GALNT13: variants seen among roughly 807,000 people sequenced by gnomAD.
GALNT13 encodes the protein polypeptide N-acetylgalactosaminyltransferase 13.
In GALNT13, 28 loss-of-function variants were observed where a neutral mutation model predicts 64.2. The observed-to-expected ratio is 0.44, with a 90% CI of 0.32 to 0.60. The LOEUF is 0.60. Among genes scored for constraint, GALNT13 ranks in the 20% least tolerant of loss-of-function variants. GALNT13 has a pLI of 0.05. For synonymous variants in GALNT13, 214 were observed against 224.6 expected, an observed-to-expected ratio of 0.95 and a Z score of 0.42; for missense variants, 577 against 669.8, an observed-to-expected ratio of 0.86 and a Z score of 1.53.
chr2:153,169,290 G>C, the GALNT13 span, among the ~76,000 whole-genome samples: 1 of 152,310 alleles, frequency 6.6e-6, no homozygotes, highest in South Asian at 2.1e-4. Flanking sequence ...GTCAAAATCA[G>C]GATGTCTCTA....
In GALNT13 at chr2:154,418,243, T is replaced by G. The variant is rs183155626; in HGVS notation, c.1395+9161T>G. The stretch of plus-strand genomic sequence containing the variant: ...AAAATCATCTTCCTGGAGGATGAAA[T>G]TGTTCCTCTAGAAATGTGTGGATTT... On this transcript the variant is annotated intron_variant, in intron 11 of 12. Transcript: ENST00000392825. 8.5e-4 allele frequency among the ~76,000 whole-genome samples: 129 copies of G among 152,300 alleles called. 2 individuals carry two copies. Among genetic ancestry groups the G allele is most frequent in the Admixed American group, 7.4e-3 (113 of 15,286 alleles).
chr2:153,088,037 A>G, the GALNT13 span, among the ~76,000 whole-genome samples: 1 of 149,396 alleles, frequency 6.7e-6, no homozygotes, highest in Non-Finnish European at 1.5e-5. Flanking sequence ...TTGTTTCTCT[A>G]GTTTTTTGAG....
the GALNT13 span, among the ~76,000 whole-genome samples, chr2:153,335,045 T>A: frequency 6.6e-6 from 1 of 152,080 alleles, no homozygotes; most frequent in African/African-American, 2.4e-5. Context: ...TTATCAGGGG[T>A]TTCCGCTTTT....
At chr2:154,147,981 A>C (rs1248862779) in intron 4 of GALNT13, among the ~76,000 whole-genome samples, 14 of 151,416 alleles carry the variant, frequency 9.2e-5, no homozygotes, top group Non-Finnish European at 1.8e-4. Context: ...GGTTAGTTAC[A>C]TATGTATACA....
At chr2:154,274,392 T>C (rs1054767289) in intron 8 of GALNT13, among the ~76,000 whole-genome samples, 5 of 152,176 alleles carry the variant, frequency 3.3e-5, no homozygotes, top group African/African-American at 1.2e-4. Flanking sequence ...CTGTGTACTC[T>C]CAGTTTACAA....
the GALNT13 span, among the ~76,000 whole-genome samples, chr2:153,623,672 A>T: frequency 1.6e-4 from 24 of 152,136 alleles, no homozygotes; most frequent in Non-Finnish European, 2.9e-4. Flanking sequence ...TATATTTTAT[A>T]TATATTATGC....
the GALNT13 span, among the ~76,000 whole-genome samples, chr2:153,595,440 T>C: frequency 6.6e-5 from 10 of 152,028 alleles, no homozygotes; most frequent in East Asian, 1.9e-3. Flanking sequence ...AACAAAATTT[T>C]ATGTTATATA....
At chr2:153,182,826 T>A in the GALNT13 span, among the ~76,000 whole-genome samples, 3 of 152,244 alleles carry the variant, frequency 2.0e-5, no homozygotes. Context: ...TATTTCATGA[T>A]GTATATGTAC....
At chr2:154,020,419 G>A (rs1697365436) in intron 3 of GALNT13, among the ~76,000 whole-genome samples, 1 of 152,130 alleles carries the variant, frequency 6.6e-6, no homozygotes, top group Non-Finnish European at 1.5e-5. Context: ...GTATCTCATT[G>A]TGGTTTTGAT....
At chr2:154,125,250 G>A (rs184358693) in intron 3 of GALNT13, among the ~76,000 whole-genome samples, 57 of 152,254 alleles carry the variant, frequency 3.7e-4, no homozygotes, top group South Asian at 1.2e-3. Context: ...TGGTACTAGC[G>A]AGAAAGGATA....
chr2:153,557,357 A>T, the GALNT13 span, among the ~76,000 whole-genome samples: 2 of 152,176 alleles, frequency 1.3e-5, no homozygotes, highest in African/African-American at 4.8e-5. Context: ...GAAATCACCT[A>T]ACAGTGCATC....
chr2:153,689,656 A>G, the GALNT13 span, among the ~76,000 whole-genome samples: 3 of 152,060 alleles, frequency 2.0e-5, no homozygotes, highest in African/African-American at 7.2e-5. Flanking sequence ...ATGTGATTCC[A>G]ATGATTCTTC....
the GALNT13 span, among the ~76,000 whole-genome samples, chr2:153,739,308 CCCTAAGTTAATAATTA>C: frequency 1.3e-5 from 2 of 151,508 alleles, no homozygotes; most frequent in Admixed American, 6.6e-5. Flanking sequence ...CATCCTAGTT[CCCTAAGTTAATAATTA>C]ACAACTGCTT....
the GALNT13 span, among the ~76,000 whole-genome samples, chr2:153,431,576 G>T: frequency 6.6e-6 from 1 of 152,298 alleles, no homozygotes; most frequent in South Asian, 2.1e-4. Context: ...AAAAGACACA[G>T]CAAGTGCTGC....
At chr2:153,098,760 AT>A in the GALNT13 span, among the ~76,000 whole-genome samples, 1 of 152,180 alleles carries the variant, frequency 6.6e-6, no homozygotes, top group African/African-American at 2.4e-5. Flanking sequence ...TCAGGGTGGA[AT>A]TGACTGGAGT....
the GALNT13 span, among the ~76,000 whole-genome samples, chr2:153,247,349 A>G: frequency 6.6e-6 from 1 of 152,222 alleles, no homozygotes; most frequent in African/African-American, 2.4e-5. Flanking sequence ...TCTCAGTGCC[A>G]TATGGCAGGT....
chr2:153,794,223 A>G, the GALNT13 span, among the ~76,000 whole-genome samples: 1 of 152,222 alleles, frequency 6.6e-6, no homozygotes, highest in Admixed American at 6.5e-5. Context: ...TTTAAAAAAC[A>G]GAAAAATTTT....
At chr2:153,811,309 C>A in the GALNT13 span, among the ~76,000 whole-genome samples, 1 of 152,120 alleles carries the variant, frequency 6.6e-6, no homozygotes, top group Non-Finnish European at 1.5e-5. Flanking sequence ...CAATTCCAGA[C>A]AAATTTCTTT....
chr2:153,262,204 C>T, the GALNT13 span, among the ~76,000 whole-genome samples: 73 of 152,164 alleles, frequency 4.8e-4, no homozygotes, highest in African/African-American at 1.7e-3. Flanking sequence ...CTCAGTCTCA[C>T]TCAGGGCCCA....
Sources: gnomAD v4.1 joint callset for allele counts (sites outside exome capture counted in the v4.1 genomes callset) on GRCh38, gnomAD v4.1.1 for gene constraint, MANE v1.5 for transcripts, NCBI Gene and HGNC (gene_info 2026-07-23, HGNC 2026-07-21) for gene names.